The following ARHGAP23 variants were observed in gnomAD, a reference collection of about 807,000 sequenced individuals.
ARHGAP23 encodes Rho GTPase activating protein 23, also known as rho GTPase-activating protein 23.
Under a neutral mutation model 136.3 loss-of-function variants are expected in ARHGAP23, and 34 were observed. The ratio of observed to expected loss-of-function variants is 0.25; its 90% CI spans 0.19 to 0.33. ARHGAP23 has a LOEUF of 0.33. Among genes scored for constraint, ARHGAP23 ranks in the 10% least tolerant of loss-of-function variants. The pLI is 1.00. For synonymous variants in ARHGAP23, 832 were observed against 920.5 expected (o/e 0.90, Z 1.74); for missense variants, 1,808 against 2,139.0 (o/e 0.85, Z 3.05).
At chr17:38,428,382 G>GA, upstream of ARHGAP23, 1 of 402,436 alleles carries the variant, frequency 2.5e-6, no homozygotes, top group Non-Finnish European at 3.9e-6. Flanking sequence ...CCCCGGGGGG[G>GA]GCCCCCCCAC....
At position 38,497,836 on chromosome 17, in the gene ARHGAP23, G is replaced by A; in HGVS notation, c.3318+10G>A. On this transcript the variant is annotated intron_variant, in intron 21 of 23. Coordinates refer to ENST00000622683, the MANE Select transcript of ARHGAP23 (RefSeq NM_001199417.2). ...GGACAAGGGAGAGAGAGTAAGTGAT[G>A]CCGCGGGCTGGGCTGGCATGGGGGC... 6.4e-7 allele frequency: 1 copy of A among 1,551,206 alleles called. No homozygotes were observed. The highest frequency in any genetic ancestry group is 8.7e-7 in the Non-Finnish European group (1 of 1,146,848).
At chr17:38,499,745 G>C (rs1394144240) in intron 22 of ARHGAP23, among the ~76,000 whole-genome samples, 1 of 152,132 alleles carries the variant, frequency 6.6e-6, no homozygotes, top group Non-Finnish European at 1.5e-5. Context: ...GTCCGGAGAG[G>C]GGGGCGTCTA....
At chr17:38,422,425 AC>A (rs1214777872) in intron 1 of ARHGAP23, among the ~76,000 whole-genome samples, 1 of 152,128 alleles carries the variant, frequency 6.6e-6, no homozygotes, top group Non-Finnish European at 1.5e-5. Context: ...ACTCACTCAT[AC>A]ACAGGGTCCG....
rs2040733227 is a variant in ARHGAP23, at chr17:38,510,452, C to G, written c.3956C>G (p.Ala1319Gly). The G allele has an allele frequency of 4.1e-6, 5 of 1,211,514 alleles. No individual in the cohort carries two copies. Among genetic ancestry groups the G allele is most frequent in the Non-Finnish European group, 4.1e-6 (4 of 975,620 alleles). The allele number at this position is 1,211,514 out of a possible 1,614,324, so 75.0% of individuals were successfully genotyped here. A position where few individuals can be genotyped will look rare whatever the true frequency, so the allele number is the denominator to read the frequency against. ...CACCTCATGCCCTGCGACACTCTGG[C>G]GCGCCGCCGCCTGGCCCGGGGCCGC... The part of the protein sequence containing the change: ...SHHLMPCDTL[A>G]RRRLARGRPD... The change falls in exon 24 of 24, where the codon GCG becomes GGG. Residue 1319 changes from alanine (A) to glycine (G), a missense_variant. Ala to Gly is a moderately conservative substitution (Grantham distance 60, BLOSUM62 0). Coordinates refer to ENST00000622683, the MANE Select transcript of ARHGAP23 (RefSeq NM_001199417.2). The surrounding 1 kb of genome is among the most constrained non-coding windows in gnomAD (Gnocchi z 4.6).
Position 38,498,462 on chromosome 17 carries a change from C to G in ARHGAP23, c.3367C>G (p.Leu1123Val). 1 of 1,548,794 alleles carries G rather than the reference C, an allele frequency of 6.5e-7. No homozygotes were observed. Among genetic ancestry groups the G allele is most frequent in the Non-Finnish European group, 8.7e-7 (1 of 1,146,382 alleles). The change falls in exon 22 of 24, where the codon CTC (leucine) becomes GTC (valine). Residue 1123 changes from leucine to valine, a missense_variant. Coordinates refer to ENST00000622683, the MANE Select transcript of ARHGAP23 (RefSeq NM_001199417.2). ...TCAGGCAGTGCCCAACATTGAGTAC[C>G]TCCTGCCCAACATTGGCAGGACAGT... ...EPQAVPNIEY[L>V]LPNIGRTVPP...
At chr17:38,432,921 C>T (rs1405708129) in intron 1 of ARHGAP23, among the ~76,000 whole-genome samples, 1 of 152,188 alleles carries the variant, frequency 6.6e-6, no homozygotes, top group Non-Finnish European at 1.5e-5. Flanking sequence ...ACTGTGTGCC[C>T]TTGGACAAGT....
chr17:38,467,208 A>T lies in ARHGAP23; in HGVS notation c.1525A>T (p.Met509Leu). ...GGTTCAGCTGACCCCCGCAAGACAG[A>T]TGAACCTTGGATTTGGTGACGAGTC... ...RKVQLTPARQ[M>L]NLGFGDESPE... Residue 509 changes from methionine (M) to leucine (L), a missense_variant, in exon 7 of 24, where the codon ATG (methionine) becomes TTG (leucine). Coordinates refer to ENST00000622683, the MANE Select transcript of ARHGAP23 (RefSeq NM_001199417.2). The T allele has an allele frequency of 6.4e-7, 1 of 1,550,984 alleles. No homozygotes were observed. Among genetic ancestry groups the T allele is most frequent in the Non-Finnish European group, 8.7e-7 (1 of 1,146,738 alleles).
At chr17:38,458,768 GA>G (rs2039391157) in intron 2 of ARHGAP23, among the ~76,000 whole-genome samples, 1 of 152,194 alleles carries the variant, frequency 6.6e-6, no homozygotes. Context: ...CAGTGCGCTG[GA>G]AACAGACCCA....
intron 11 of ARHGAP23, among the ~76,000 whole-genome samples, chr17:38,474,133 C>T (rs1398719583): frequency 1.4e-4 from 22 of 152,184 alleles, no homozygotes; most frequent in Admixed American, 1.4e-3. Context: ...GTTGGCCAGG[C>T]TGGTCTTGAA....
intron 1 of ARHGAP23, among the ~76,000 whole-genome samples, chr17:38,432,326 C>T (rs1020341039): frequency 4.6e-5 from 7 of 152,160 alleles, no homozygotes; most frequent in African/African-American, 1.4e-4. Flanking sequence ...CACTTGGACT[C>T]AGGAGTTTGA....
intron 20 of ARHGAP23, among the ~76,000 whole-genome samples, chr17:38,493,189 T>C (rs1455593982): frequency 7.1e-6 from 1 of 140,768 alleles, no homozygotes; most frequent in African/African-American, 2.5e-5. Flanking sequence ...CTCTCTCTCT[T>C]TTCGCTTTTT....
At chr17:38,495,806 G>A (rs1597839343) in intron 20 of ARHGAP23, among the ~76,000 whole-genome samples, 1 of 152,118 alleles carries the variant, frequency 6.6e-6, no homozygotes, top group Non-Finnish European at 1.5e-5. Context: ...TATTCTTTGT[G>A]TGTTTTAAGT....
chr17:38,468,614 C>T lies in ARHGAP23; in HGVS notation c.1649-530C>T, dbSNP rs375756183. Among the ~76,000 whole-genome samples, 730 of 152,306 alleles carry T rather than the reference C, an allele frequency of 4.8e-3. 18 individuals are homozygous for T. In the South Asian group the frequency reaches 0.061, roughly 13 times the overall value. ...TGGAGCAGAGACACAGCCCCTTCTG[C>T]TAGTAAGGAAGGCTCTAGGCTGTGG... On this transcript the variant is annotated intron_variant, in intron 7 of 23. Coordinates refer to ENST00000622683, the MANE Select transcript of ARHGAP23 (RefSeq NM_001199417.2).
chr17:38,487,003 G>C (rs538818295), intron 17 of ARHGAP23, among the ~76,000 whole-genome samples: 1 of 152,134 alleles, frequency 6.6e-6, no homozygotes, highest in African/African-American at 2.4e-5. Context: ...GTCTCTGGGG[G>C]AAAAAAGCCC....
rs2039587136 is a variant in ARHGAP23, at chr17:38,466,175, C to T, written c.492C>T (p.Ser164=). 1 of 1,502,212 alleles carries T rather than the reference C, an allele frequency of 6.7e-7. No individual in the cohort carries two copies. The highest frequency in any genetic ancestry group is 8.9e-7 in the Non-Finnish European group (1 of 1,118,368). 93.1% of individuals were successfully genotyped at this position (1,502,212 alleles called of 1,614,324 possible). A position where few individuals can be genotyped will look rare whatever the true frequency, so the allele number is the denominator to read the frequency against. Residue 164 remains serine (S), a synonymous_variant, in exon 7 of 24, where the codon TCC becomes TCT. Coordinates refer to ENST00000622683, the MANE Select transcript of ARHGAP23 (RefSeq NM_001199417.2). ...KDEDILQLAY[S]QDAYLKGNEP... ...TCTGTGTCTCTGGCCAGGCCTACTC[C>T]CAGGATGCCTACCTGAAAGGGAACG...
intron 23 of ARHGAP23, 133 bp from the exon 24 acceptor site, chr17:38,509,811 C>T: frequency 3.1e-6 from 2 of 651,460 alleles, no homozygotes; most frequent in African/African-American, 1.9e-5. Flanking sequence ...TTTTATGATG[C>T]GGCCGTGGGT....
chr17:38,498,355 G>C (rs942910332), intron 21 of ARHGAP23, 59 bp from the exon 22 acceptor site: 5 of 1,390,908 alleles, frequency 3.6e-6, no homozygotes, highest in Admixed American at 4.4e-5. Context: ...ACCCCCCTCT[G>C]GGGGGTTGGC....
At chr17:38,446,766 A>G (rs2039044623) in intron 1 of ARHGAP23, among the ~76,000 whole-genome samples, 1 of 151,976 alleles carries the variant, frequency 6.6e-6, no homozygotes, top group Admixed American at 6.6e-5. Flanking sequence ...AGAAACTGCC[A>G]TACTGATTTC....
At chr17:38,437,597 A>G (rs1048070756) in intron 1 of ARHGAP23, among the ~76,000 whole-genome samples, 2 of 149,952 alleles carry the variant, frequency 1.3e-5, no homozygotes, top group African/African-American at 5.0e-5. Flanking sequence ...AGCCTGGACA[A>G]CAGAGCAAGA....
Sources: allele counts gnomAD v4.1 joint callset (sites outside exome capture counted in the v4.1 genomes callset), GRCh38; gene constraint gnomAD v4.1.1; non-coding constraint Gnocchi (gnomAD v3.1); transcripts MANE v1.5; gene names NCBI Gene and HGNC (gene_info 2026-07-23, HGNC 2026-07-21).